Variants in FSIP2 observed in about 807,000 individuals in gnomAD.
FSIP2 encodes fibrous sheath-interacting protein 2.
Under a neutral mutation model 510.5 loss-of-function variants are expected in FSIP2, and 367 were observed. The observed-to-expected ratio is 0.72, with a 90% CI of 0.66 to 0.78. The LOEUF (loss-of-function observed/expected upper bound fraction) is 0.78. Among genes scored for constraint, FSIP2 ranks in the 30% least tolerant of loss-of-function variants. The pLI is 0.00. For synonymous variants in FSIP2, 2,601 were observed against 2,732.2 expected, an observed-to-expected ratio of 0.95 and a Z score of 1.50; for missense variants, 7,594 against 7,901.7, an observed-to-expected ratio of 0.96 and a Z score of 1.48.
chr2:185,791,814 G>C lies in FSIP2; in HGVS notation c.4678G>C (p.Val1560Leu). ...AGAGACTAAAAGCAAGGCAAAACCT[G>C]TTGCTCCTGTGTCTTCCAAAACACC... ...KEETKSKAKP[V>L]APVSSKTPST... Residue 1560 changes from valine to leucine, a missense_variant, in exon 16 of 23, where the codon GTT becomes CTT. Coordinates refer to ENST00000424728, the MANE Select transcript of FSIP2 (RefSeq NM_173651.4). The C allele has an allele frequency of 6.5e-7, 1 of 1,534,022 alleles. No homozygotes were observed.
Position 185,792,751 on chromosome 2 carries a change from T to C in FSIP2, c.5615T>C (p.Ile1872Thr). 1 of 1,534,248 alleles carries C rather than the reference T, an allele frequency of 6.5e-7. No homozygotes were observed. Among genetic ancestry groups the C allele is most frequent in the Non-Finnish European group, 8.7e-7 (1 of 1,145,672 alleles). Residue 1872 changes from isoleucine to threonine, a missense_variant, in exon 16 of 23, where the codon ATC becomes ACC. Ile to Thr is a moderately conservative substitution (Grantham distance 89). Coordinates refer to ENST00000424728, the MANE Select transcript of FSIP2 (RefSeq NM_173651.4). The stretch of plus-strand genomic sequence containing the variant: ...GTAAGGGAAAATAGGTATAAAACTA[T>C]CACTTTTTCAGCAAATGTTTCTTCT... ...RNVRENRYKT[I>T]TFSANVSSHE...
In FSIP2 at chr2:185,755,017, CCT is replaced by C. The variant is rs1277051735; in HGVS notation, c.992-1170_992-1169del. ...ACATGTTACCTTTCCGACTTCTCTG[CCT>C]CTCTGTATCCAATTTTTCTCAATTT... On this transcript the variant is annotated intron_variant, in intron 8 of 22. Transcript: ENST00000424728. Among the ~76,000 whole-genome samples the C allele has an allele frequency of 2.0e-5, 3 of 151,474 alleles. No homozygotes were observed. In the Admixed American group the frequency reaches 2.0e-4, roughly 10 times the overall value.
intron 19 of FSIP2, among the ~76,000 whole-genome samples, chr2:185,818,447 G>A (rs1693862196): frequency 6.6e-6 from 1 of 151,720 alleles, no homozygotes; most frequent in Admixed American, 6.6e-5. Context: ...TAAATTTGAA[G>A]AAATACATAC....
intron 6 of FSIP2, 95 bp from the exon 7 acceptor site, chr2:185,747,218 C>T: frequency 1.5e-6 from 1 of 682,532 alleles, no homozygotes; most frequent in Non-Finnish European, 2.5e-6. Context: ...TCTGTTAGGC[C>T]CTGACTTGTT....
At chr2:185,810,711 C>A (rs1693710410) in intron 17 of FSIP2, among the ~76,000 whole-genome samples, 1 of 150,162 alleles carries the variant, frequency 6.7e-6, no homozygotes, top group Admixed American at 6.6e-5. Context: ...CACACAGAGG[C>A]TGAAGACAGA....
At chr2:185,779,198 T>C (rs1692791075) in intron 13 of FSIP2, among the ~76,000 whole-genome samples, 1 of 152,028 alleles carries the variant, frequency 6.6e-6, no homozygotes, top group Non-Finnish European at 1.5e-5. Context: ...TCTTCGGAAG[T>C]TTTCTACTGC....
Position 185,801,716 on chromosome 2 carries a change from T to A in FSIP2, c.12410T>A (p.Met4137Lys), listed in dbSNP as rs1211162033. Residue 4137 changes from methionine (M) to lysine (K), a missense_variant, in exon 17 of 23, where the codon ATG (methionine) becomes AAG (lysine). By Grantham distance (95) the Met-to-Lys change is moderately conservative. Coordinates refer to ENST00000424728, the MANE Select transcript of FSIP2 (RefSeq NM_173651.4). ...AGGTCTTCATCAGACTATAGTACCA[T>A]GTTATCACATTCATTTTTAGAAGAT... ...LPRSSSDYST[M>K]LSHSFLEDVI... 2 of 1,530,548 alleles carry A rather than the reference T, an allele frequency of 1.3e-6. No homozygotes were observed. Among genetic ancestry groups the A allele is most frequent in the Non-Finnish European group, 1.7e-6 (2 of 1,144,276 alleles). The allele number at this position is 1,530,548 out of a possible 1,614,324, so 94.8% of individuals were successfully genotyped here. A position where few individuals can be genotyped will look rare whatever the true frequency, so the allele number is the denominator to read the frequency against.
chr2:185,779,022 A>C (rs941192828), intron 13 of FSIP2, among the ~76,000 whole-genome samples: 6 of 151,940 alleles, frequency 3.9e-5, no homozygotes, highest in Non-Finnish European at 7.4e-5. Flanking sequence ...TTTTTGCCTT[A>C]AATGTGTCTA....
chr2:185,815,571 G>T (rs1693811032), intron 19 of FSIP2, 100 bp downstream of exon 19: 2 of 527,226 alleles, frequency 3.8e-6, no homozygotes, highest in Non-Finnish European at 6.8e-6. Context: ...CAAGTATTTA[G>T]CTTCAGACCT....
chr2:185,791,757 G>C lies in FSIP2; in HGVS notation c.4621G>C (p.Val1541Leu). ...AKSTKIISSI[V>L]SRRVQEDNKE... ...ATCCACCAAAATAATCTCCAGCATA[G>C]TTTCCAGAAGGGTTCAGGAGGACAA... The change falls in exon 16 of 23, where the codon GTT becomes CTT. Residue 1541 changes from valine (V) to leucine (L), a missense_variant. Coordinates refer to ENST00000424728, the MANE Select transcript of FSIP2 (RefSeq NM_173651.4). 1.3e-6 allele frequency: 2 copies of C among 1,534,550 alleles called. No homozygotes were observed. Among genetic ancestry groups the C allele is most frequent in the Non-Finnish European group, 1.7e-6 (2 of 1,145,688 alleles).
At chr2:185,738,580 T>G, upstream of FSIP2, 2 of 1,533,286 alleles carry the variant, frequency 1.3e-6, no homozygotes, top group Non-Finnish European at 1.7e-6. Context: ...CAACAAAGCT[T>G]ATACGTTTTC....
At position 185,763,163 on chromosome 2, in the gene FSIP2, G is replaced by GT; in HGVS notation, c.1241-18dup. Reference sequence around the variant, plus strand: ...GCAATATCAGCTTCTCATATTTAAAGTTATCTCTTCTTTCTCTAGGAGGTA... The same window carrying GT: ...GCAATATCAGCTTCTCATATTTAAAGTTTATCTCTTCTTTCTCTAGGAGGTA... On this transcript the variant is annotated intron_variant, in intron 11 of 22. Coordinates refer to ENST00000424728, the MANE Select transcript of FSIP2 (RefSeq NM_173651.4). 1 of 1,060,466 alleles carries GT rather than the reference G, an allele frequency of 9.4e-7. No individual in the cohort carries two copies. The allele number at this position is 1,060,466 out of a possible 1,614,324, so 65.7% of individuals were successfully genotyped here. A position where few individuals can be genotyped will look rare whatever the true frequency, so the allele number is the denominator to read the frequency against.
intron 19 of FSIP2, among the ~76,000 whole-genome samples, chr2:185,817,598 T>A (rs1693848458): frequency 6.6e-6 from 1 of 152,044 alleles, no homozygotes; most frequent in African/African-American, 2.4e-5. Flanking sequence ...CATTAATTAG[T>A]AAATATTTTC....
intron 9 of FSIP2, among the ~76,000 whole-genome samples, chr2:185,758,120 C>T (rs1242024596): frequency 2.0e-5 from 3 of 151,278 alleles, no homozygotes; most frequent in African/African-American, 4.8e-5. Flanking sequence ...GCTTCTTTTA[C>T]TCAGCATAAT....
intron 13 of FSIP2, among the ~76,000 whole-genome samples, chr2:185,774,685 C>A (rs1692680455): frequency 7.1e-6 from 1 of 141,720 alleles, no homozygotes; most frequent in African/African-American, 2.6e-5. Context: ...CACCCACTAA[C>A]TCGTCATCTA....
chr2:185,813,490 A>C, intron 17 of FSIP2, 55 bp from the exon 18 acceptor site: 2 of 1,154,056 alleles, frequency 1.7e-6, no homozygotes, highest in Non-Finnish European at 2.4e-6. Context: ...TAATTGAACT[A>C]TAGGAAAGTG....
chr2:185,756,456 A>C (rs377754517), intron 9 of FSIP2, among the ~76,000 whole-genome samples, 178 bp downstream of exon 9: 16 of 151,468 alleles, frequency 1.1e-4, no homozygotes, highest in Admixed American at 7.3e-4. Flanking sequence ...TTAGAATTTG[A>C]TAACCAGATA....
chr2:185,797,677 A>G (rs1186793411), intron 16 of FSIP2, 151 bp downstream of exon 16: 2 of 719,094 alleles, frequency 2.8e-6, no homozygotes. Flanking sequence ...TTGCACTTTA[A>G]TTTTATTTTA....
Position 185,828,159 on chromosome 2 carries a change from G to T in FSIP2, c.20477G>T (p.Ser6826Ile). 1 of 1,558,922 alleles carries T rather than the reference G, an allele frequency of 6.4e-7. No homozygotes were observed. The highest frequency in any genetic ancestry group is 8.8e-7 in the Non-Finnish European group (1 of 1,133,198). The change falls in exon 21 of 23, where the codon AGT becomes ATT. Residue 6826 changes from serine (S) to isoleucine (I), a missense_variant. Coordinates refer to ENST00000424728, the MANE Select transcript of FSIP2 (RefSeq NM_173651.4). ...TTTTTTTTTTTAATCTCTACAGAAA[G>T]TTCTCAGGAACAAAAGCCAGAGCAT... ...SDPSAKILEE[S>I]SQEQKPEHGN...
Sources: gnomAD v4.1 joint callset for allele counts (sites outside exome capture counted in the v4.1 genomes callset) on GRCh38, gnomAD v4.1.1 for gene constraint, MANE v1.5 for transcripts, NCBI Gene and HGNC (gene_info 2026-07-23, HGNC 2026-07-21) for gene names.